PXDNL: variants seen among roughly 807,000 people sequenced by gnomAD.
PXDNL encodes the protein peroxidasin like.
A neutral mutation model predicts 150.8 loss-of-function variants in PXDNL; 145 were observed. That is an observed-to-expected ratio of 0.96 (90% CI 0.84 to 1.10). The LOEUF is 1.10. Ranked by LOEUF, PXDNL falls within the 50% of genes least tolerant of loss-of-function variation. The pLI, the probability that PXDNL is intolerant of heterozygous loss-of-function variation, is 0.00. For missense variants in PXDNL, 2,087 were observed against 1,873.9 expected (o/e 1.11, Z -2.10); for synonymous variants, 757 against 725.7 (o/e 1.04, Z -0.69).
intron 5 of PXDNL, among the ~76,000 whole-genome samples, chr8:51,490,635 T>TACATATATATACATATATATAC (rs1328384481): frequency 2.7e-5 from 4 of 148,958 alleles, no homozygotes; most frequent in Middle Eastern, 3.6e-3. Flanking sequence ...CATATATATA[T>TACATATATATACATATATATAC]ACATATATAT....
intron 1 of PXDNL, among the ~76,000 whole-genome samples, chr8:51,664,921 C>T (rs1815349982): frequency 6.6e-6 from 1 of 152,166 alleles, no homozygotes; most frequent in Non-Finnish European, 1.5e-5. Flanking sequence ...TGTGGTTCCT[C>T]TTCCTGGAAT....
chr8:51,696,804 TTCACAC>T (rs1388854986), intron 1 of PXDNL, among the ~76,000 whole-genome samples: 1 of 1,340 alleles, frequency 7.5e-4, no homozygotes, highest in African/African-American at 1.4e-3. Context: ...CACATAGGTC[TTCACAC>T]ACACACACAC....
intron 1 of PXDNL, among the ~76,000 whole-genome samples, chr8:51,760,511 A>G (rs1233392418): frequency 6.6e-6 from 1 of 152,214 alleles, no homozygotes; most frequent in Non-Finnish European, 1.5e-5. Context: ...CTCAAATGCA[A>G]ATTTTGCTGT....
At chr8:51,456,512 T>C (rs1486869120) in intron 9 of PXDNL, among the ~76,000 whole-genome samples, 1 of 152,198 alleles carries the variant, frequency 6.6e-6, no homozygotes, top group Admixed American at 6.5e-5. Context: ...TTGTCAAATT[T>C]TCAGTATTCT....
At chr8:51,424,524 T>TTATA (rs59447579) in intron 13 of PXDNL, among the ~76,000 whole-genome samples, 179 of 150,376 alleles carry the variant, frequency 1.2e-3, no homozygotes, top group South Asian at 4.2e-3. Flanking sequence ...GATATGTGTA[T>TTATA]TATATATATA....
intron 1 of PXDNL, among the ~76,000 whole-genome samples, chr8:51,689,767 C>T (rs1169361251): frequency 6.6e-6 from 1 of 152,142 alleles, no homozygotes; most frequent in Non-Finnish European, 1.5e-5. Flanking sequence ...GAGCATGGTT[C>T]TAAGAAAACA....
At chr8:51,789,658 C>G (rs1324699470) in intron 1 of PXDNL, among the ~76,000 whole-genome samples, 1 of 152,092 alleles carries the variant, frequency 6.6e-6, no homozygotes, top group African/African-American at 2.4e-5. Flanking sequence ...GAAACTGTAG[C>G]CATTATCTTC....
At chr8:51,778,968 G>A (rs2037384066) in intron 1 of PXDNL, among the ~76,000 whole-genome samples, 1 of 152,128 alleles carries the variant, frequency 6.6e-6, no homozygotes, top group Admixed American at 6.6e-5. Context: ...TTATGTTGCT[G>A]ATGACTTTTC....
At chr8:51,744,672 T>A (rs2036955572) in intron 1 of PXDNL, among the ~76,000 whole-genome samples, 1 of 10,046 alleles carries the variant, frequency 1.0e-4, no homozygotes, top group African/African-American at 3.9e-4. Flanking sequence ...CAAGACTCCA[T>A]CTCAAAAAAA....
chr8:51,702,583 C>A (rs1032301356), intron 1 of PXDNL, among the ~76,000 whole-genome samples: 5 of 152,144 alleles, frequency 3.3e-5, no homozygotes, highest in African/African-American at 1.2e-4. Flanking sequence ...GAATTTCGAT[C>A]CTGCTTTTTA....
chr8:51,534,044 G>A (rs1236214607), intron 4 of PXDNL, among the ~76,000 whole-genome samples: 3 of 146,388 alleles, frequency 2.0e-5, no homozygotes, highest in East Asian at 2.1e-4. Context: ...AGCGAGGAGC[G>A]CCTCTTCCCC....
intron 17 of PXDNL, among the ~76,000 whole-genome samples, chr8:51,406,481 C>T (rs187859898): frequency 2.0e-5 from 3 of 152,256 alleles, no homozygotes; most frequent in Admixed American, 6.5e-5. Context: ...GAGTTAAATA[C>T]GGAGTGAAGA....
In PXDNL at chr8:51,664,582, G is replaced by A. The variant is rs150167573; in HGVS notation, c.165-9822C>T. ...CATGAAGACAGAAAATGATGGTATC[G>A]CTGAGATCAGACTTGGCTGTATTTT... On this transcript the variant is annotated intron_variant, in intron 1 of 22. Transcript: ENST00000356297. Among the ~76,000 whole-genome samples the A allele has an allele frequency of 1.6e-3, 237 of 152,222 alleles. 1 individual carries two copies. The highest frequency in any genetic ancestry group is 5.3e-3 in the African/African-American group (220 of 41,538).
At chr8:51,394,683 C>T (rs1808024245) in intron 17 of PXDNL, among the ~76,000 whole-genome samples, 1 of 152,174 alleles carries the variant, frequency 6.6e-6, no homozygotes, top group African/African-American at 2.4e-5. Flanking sequence ...AACGGCCAGC[C>T]TGCATGCTGT....
chr8:51,746,486 G>A (rs1298713337), intron 1 of PXDNL, among the ~76,000 whole-genome samples: 1 of 152,008 alleles, frequency 6.6e-6, no homozygotes, highest in Non-Finnish European at 1.5e-5. Context: ...GTCCTATTAG[G>A]GTATCATTAA....
intron 12 of PXDNL, among the ~76,000 whole-genome samples, chr8:51,437,757 C>G (rs922128738): frequency 3.3e-5 from 5 of 151,936 alleles, no homozygotes; most frequent in Non-Finnish European, 7.4e-5. Flanking sequence ...AAGTTGACGG[C>G]ACTATCCCTC....
chr8:51,696,829 A>AGGTCCACACATATC (rs1160842521), intron 1 of PXDNL, among the ~76,000 whole-genome samples: 1 of 262 alleles, frequency 3.8e-3, no homozygotes, highest in Non-Finnish European at 7.4e-3. Context: ...ACACACACAC[A>AGGTCCACACATATC]CACACACACA....
At chr8:51,328,849 C>T (rs567492545) in intron 21 of PXDNL, among the ~76,000 whole-genome samples, 37 of 152,234 alleles carry the variant, frequency 2.4e-4, no homozygotes, top group Middle Eastern at 3.4e-3. Context: ...GGGAAGATAT[C>T]CTTCATGAAA....
chr8:51,765,072 T>C (rs1016703905), intron 1 of PXDNL, among the ~76,000 whole-genome samples: 5 of 152,236 alleles, frequency 3.3e-5, no homozygotes, highest in Non-Finnish European at 7.3e-5. Context: ...TCTTCAATTG[T>C]ATGTTGTCTG....
Sources: allele counts gnomAD v4.1 joint callset (sites outside exome capture counted in the v4.1 genomes callset), GRCh38; gene constraint gnomAD v4.1.1; transcripts MANE v1.5; gene names NCBI Gene and HGNC (gene_info 2026-07-23, HGNC 2026-07-21).